Variants in TLE6 observed in about 807,000 individuals in gnomAD.
The protein encoded by TLE6 is TLE family member 6, subcortical maternal complex member, also known as transducin-like enhancer protein 6.
In TLE6, 72 loss-of-function variants were observed where a neutral mutation model predicts 77.1. The ratio of observed to expected loss-of-function variants is 0.93; its 90% confidence interval spans 0.77 to 1.14. The LOEUF is 1.14. Ranked by LOEUF, TLE6 falls within the 50% of genes most tolerant of loss-of-function variation. The probability of loss-of-function intolerance (pLI) is 0.00; values close to 1 mark genes in which losing one functional copy is unlikely to be tolerated. For missense variants in TLE6, 843 were observed against 747.6 expected (o/e 1.13, Z -1.49); for synonymous variants, 366 against 287.3 (o/e 1.27, Z -2.77).
intron 1 of TLE6, 87 bp from the exon 2 acceptor site, chr19:2,978,111 G>C: frequency 1.1e-6 from 1 of 951,722 alleles, no homozygotes; most frequent in Non-Finnish European, 1.6e-6. Context: ...CAAACTGGGA[G>C]GTGCGGGTGG....
Position 2,994,007 on chromosome 19 carries a change from C to T in TLE6, c.1538-12C>T, listed in dbSNP as rs367919263. The stretch of plus-strand genomic sequence containing the variant: ...GTGGTTCTAAGTCTCGCTGATGCTC[C>T]ATTTCTCCCAGGCCAGTGGTGGGCA... On this transcript the variant is annotated splice_polypyrimidine_tract_variant and intron_variant, in intron 15 of 16. Coordinates refer to ENST00000246112, the MANE Select transcript of TLE6 (RefSeq NM_001143986.2). The T allele has an allele frequency of 1.0e-5, 16 of 1,598,912 alleles. No homozygotes were observed. Among genetic ancestry groups the T allele is most frequent in the African/African-American group, 8.0e-5 (6 of 74,558 alleles).
chr19:2,989,785 G>C lies in TLE6; in HGVS notation c.1244G>C (p.Arg415Thr). ...GACCTGCGGGATCAGAGTGTGGTCA[G>C]GTGCGTTTGGGGGGTGGGAAGGGGA... ...IWDLRDQSVV[R>T]DLKGYPDGVK... Residue 415 changes from arginine to threonine, a missense_variant and splice_region_variant, in exon 13 of 17, where the codon AGG (arginine) becomes ACG (threonine). By Grantham distance (71) the Arg-to-Thr change is moderately conservative. Transcript: ENST00000246112. The C allele has an allele frequency of 6.2e-7, 1 of 1,611,168 alleles. No individual in the cohort carries two copies. Among genetic ancestry groups the C allele is most frequent in the Non-Finnish European group, 8.5e-7 (1 of 1,177,912 alleles).
intron 5 of TLE6, among the ~76,000 whole-genome samples, chr19:2,983,644 C>T (rs568910019): frequency 4.4e-5 from 5 of 112,396 alleles, no homozygotes; most frequent in Admixed American, 1.6e-4. Flanking sequence ...GGGCAGGCCA[C>T]GCATGGCCCT....
intron 14 of TLE6, 89 bp from the exon 15 acceptor site, chr19:2,993,343 C>T: frequency 7.0e-7 from 1 of 1,424,216 alleles, no homozygotes; most frequent in South Asian, 1.4e-5. Flanking sequence ...GTCACCCGGC[C>T]TCCAGGATAG....
chr19:2,991,824 C>T lies in TLE6; in HGVS notation c.1245-19C>T, dbSNP rs372998137. On this transcript the variant is annotated intron_variant, in intron 13 of 16. Coordinates refer to ENST00000246112, the MANE Select transcript of TLE6 (RefSeq NM_001143986.2). Reference sequence around the variant, plus strand: ...TCAGAGTCTTGACCTGATTGCCTCCCGATGTCCCTTCTGGCCAGGGACCTC... The same window carrying T: ...TCAGAGTCTTGACCTGATTGCCTCCTGATGTCCCTTCTGGCCAGGGACCTC... 15 of 1,612,430 alleles carry T rather than the reference C, an allele frequency of 9.3e-6. No individual in the cohort carries two copies. Among genetic ancestry groups the T allele is most frequent in the Middle Eastern group, 1.6e-4 (1 of 6,082 alleles).
At chr19:2,993,392 A>T in intron 14 of TLE6, 40 bp from the exon 15 acceptor site, 1 of 1,569,418 alleles carries the variant, frequency 6.4e-7, no homozygotes, top group Non-Finnish European at 8.7e-7. Context: ...CCAGGCTGGG[A>T]CCTAACCAGG....
intron 11 of TLE6, 85 bp from the exon 12 acceptor site, chr19:2,988,976 A>AG: frequency 1.3e-6 from 2 of 1,547,778 alleles, no homozygotes; most frequent in Non-Finnish European, 1.7e-6. Context: ...CTGAAAAAGA[A>AG]GCCCCTCTAG....
At chr19:2,986,160 C>A (rs1004284355) in intron 5 of TLE6, among the ~76,000 whole-genome samples, 4 of 145,746 alleles carry the variant, frequency 2.7e-5, no homozygotes, top group Non-Finnish European at 6.0e-5. Flanking sequence ...AACCTGTTAT[C>A]CCAGCACTTT....
chr19:2,982,088 G>T, intron 4 of TLE6, 60 bp from the exon 5 acceptor site: 2 of 1,539,154 alleles, frequency 1.3e-6, no homozygotes, highest in Non-Finnish European at 8.8e-7. Flanking sequence ...GCTTGCCCAG[G>T]GTCACACAGC....
At position 2,987,739 on chromosome 19, in the gene TLE6, G is replaced by A; in HGVS notation, c.574G>A (p.Ala192Thr). ...CATTTTCCAGGGGCAGGAAAGCAAG[G>A]CACCAGGATCCTGTGACCCAGGAAC... The part of the protein sequence containing the change: ...QAPGLGQESK[A>T]PGSCDPGTDP... The change falls in exon 9 of 17, where the codon GCA (alanine) becomes ACA (threonine). Residue 192 changes from alanine (A) to threonine (T), a missense_variant. Transcript: ENST00000246112. 2 of 1,614,152 alleles carry A rather than the reference G, an allele frequency of 1.2e-6. No homozygotes were observed. The highest frequency in any genetic ancestry group is 1.7e-6 in the Non-Finnish European group (2 of 1,180,030).
At position 2,981,206 on chromosome 19, in the gene TLE6, A is replaced by G. The variant is rs1204355878; in HGVS notation, c.135-332A>G. Among the ~76,000 whole-genome samples, 3 of 151,892 alleles carry G rather than the reference A, an allele frequency of 2.0e-5. No homozygotes were observed. The East Asian group carries it at 5.8e-4, about 29-fold the overall frequency. ...AAACACTGTTTCTATTAAAAATACA[A>G]AAAAATAGCTGGGTGTGGTGGCAGG... On this transcript the variant is annotated intron_variant, in intron 3 of 16. Transcript: ENST00000246112.
intron 8 of TLE6, 138 bp downstream of exon 8, chr19:2,987,510 T>C: frequency 1.5e-6 from 2 of 1,326,014 alleles, no homozygotes; most frequent in Non-Finnish European, 1.1e-6. Context: ...GGGGGGGACT[T>C]GGGTGATCCA....
rs1369945162 is a variant in TLE6 at position 2,992,818 on chromosome 19, G to A, written c.1387-614G>A. Among the ~76,000 whole-genome samples the A allele has an allele frequency of 1.1e-4, 14 of 121,766 alleles. 1 individual carries two copies. The highest frequency in any genetic ancestry group is 3.2e-4 in the Admixed American group (4 of 12,404). The allele number at this position is 121,766 out of a possible 152,430, so 79.9% of individuals were successfully genotyped here. ...AGGGGGGGAGGCGGGTGGGGGGGGG[G>A]GAGGATGAACTCTGGGAAGGAAAAA... On this transcript the variant is annotated intron_variant, in intron 14 of 16. Coordinates refer to ENST00000246112, the MANE Select transcript of TLE6 (RefSeq NM_001143986.2).
chr19:2,989,668 CCTGTGCAGGTCTCAA>C lies in TLE6; in HGVS notation c.1131_1145del (p.Ala378_Cys382del). The C allele has an allele frequency of 6.2e-7, 1 of 1,614,172 alleles. No individual in the cohort carries two copies. The highest frequency in any genetic ancestry group is 1.1e-5 in the South Asian group (1 of 91,078). ...TCCCTGCATGTGAAGGAGCAGTTGC[CCTGTGCAGGTCTCAA>C]CTGCCAGGCCCTGGATGCCAACCTG... On this transcript the variant is annotated inframe_deletion, in exon 13 of 17. Transcript: ENST00000246112.
chr19:2,994,391 A>ACC, intron 16 of TLE6, among the ~76,000 whole-genome samples: 2 of 152,166 alleles, frequency 1.3e-5, no homozygotes, highest in Non-Finnish European at 2.9e-5. Context: ...CGGGCAGATC[A>ACC]TGAGGTCAGG....
intron 12 of TLE6, 24 bp downstream of exon 12, chr19:2,989,337 G>T (rs780887761): frequency 5.0e-6 from 8 of 1,609,156 alleles, no homozygotes; most frequent in Non-Finnish European, 6.8e-6. Context: ...TGGTTTCCAG[G>T]GATGCAGGGC....
At chr19:2,978,393 T>C (rs2088723202) in intron 2 of TLE6, 109 bp downstream of exon 2, 2 of 1,095,038 alleles carry the variant, frequency 1.8e-6, no homozygotes, top group East Asian at 2.6e-5. Flanking sequence ...GCCTCGCAGC[T>C]GAAGACAATA....
intron 3 of TLE6, among the ~76,000 whole-genome samples, chr19:2,981,273 T>G (rs935069973): frequency 6.7e-6 from 1 of 150,142 alleles, no homozygotes; most frequent in Admixed American, 6.7e-5. Flanking sequence ...GGCAGGAGGA[T>G]CTCTTGAACC....
chr19:2,994,725 G>C (rs1427542538), intron 16 of TLE6, among the ~76,000 whole-genome samples, 175 bp from the exon 17 acceptor site: 1 of 152,216 alleles, frequency 6.6e-6, no homozygotes, highest in East Asian at 1.9e-4. Context: ...GATTGTGTGA[G>C]TCCAGGAGGT....
Sources: allele counts gnomAD v4.1 joint callset (sites outside exome capture counted in the v4.1 genomes callset), GRCh38; gene constraint gnomAD v4.1.1; transcripts MANE v1.5; gene names NCBI Gene and HGNC (gene_info 2026-07-23, HGNC 2026-07-21).